WDR70: variants seen among roughly 807,000 people sequenced by gnomAD.
WDR70 encodes the protein WD repeat-containing protein 70.
In WDR70, 53 loss-of-function variants were observed where a neutral mutation model predicts 88.6. The observed-to-expected ratio is 0.60, with a 90% confidence interval of 0.48 to 0.75. The LOEUF is 0.75. Among genes scored for constraint, WDR70 ranks in the 30% least tolerant of loss-of-function variants. WDR70 has a pLI of 0.00. For missense variants in WDR70, 610 were observed against 823.2 expected (o/e 0.74, Z 3.17); for synonymous variants, 280 against 270.0 (o/e 1.04, Z -0.36).
At chr5:37,574,615 G>A (rs935809526) in intron 9 of WDR70, among the ~76,000 whole-genome samples, 5 of 152,022 alleles carry the variant, frequency 3.3e-5, no homozygotes, top group Admixed American at 1.3e-4. Flanking sequence ...TGCCCACTCC[G>A]CTGACCTCCA....
At chr5:37,461,536 T>G (rs892377391) in intron 7 of WDR70, among the ~76,000 whole-genome samples, 2 of 151,848 alleles carry the variant, frequency 1.3e-5, no homozygotes, top group Non-Finnish European at 2.9e-5. Flanking sequence ...CAGGCTGGAG[T>G]GCAGTGGCGC....
chr5:37,698,220 A>C (rs990939089), intron 11 of WDR70, among the ~76,000 whole-genome samples: 25 of 152,182 alleles, frequency 1.6e-4, no homozygotes, highest in South Asian at 1.2e-3. Context: ...GATTTTTAAA[A>C]ACAGTTCTAT....
At chr5:37,379,944 T>A (rs1748373399) in intron 2 of WDR70, among the ~76,000 whole-genome samples, 1 of 152,224 alleles carries the variant, frequency 6.6e-6, no homozygotes, top group African/African-American at 2.4e-5. Flanking sequence ...ATTGGGTATG[T>A]GCCTTTTAAA....
intron 10 of WDR70, among the ~76,000 whole-genome samples, chr5:37,696,704 T>A (rs910334397): frequency 1.9e-4 from 29 of 152,174 alleles, no homozygotes; most frequent in African/African-American, 6.8e-4. Flanking sequence ...TTATAGAGGT[T>A]ACTCTATTAA....
chr5:37,570,481 C>G (rs1251889062), intron 9 of WDR70, among the ~76,000 whole-genome samples: 1 of 151,920 alleles, frequency 6.6e-6, no homozygotes, highest in Non-Finnish European at 1.5e-5. Flanking sequence ...TAATTGAAAT[C>G]AGGGGAAGGG....
intron 8 of WDR70, among the ~76,000 whole-genome samples, chr5:37,500,716 C>CTTTT (rs550821207): frequency 0.25 from 15,923 of 62,980 alleles, 5,360 homozygotes; most frequent in Non-Finnish European, 0.37. Flanking sequence ...TATTTGTTGG[C>CTTTT]TTTTTTTTTT....
At chr5:37,713,361 A>C (rs996842419) in intron 13 of WDR70, among the ~76,000 whole-genome samples, 4 of 152,236 alleles carry the variant, frequency 2.6e-5, no homozygotes, top group African/African-American at 9.6e-5. Flanking sequence ...CAGCATTTGC[A>C]AATGAAGATT....
chr5:37,684,566 GCT>G (rs1746525528), intron 10 of WDR70, among the ~76,000 whole-genome samples: 1 of 152,188 alleles, frequency 6.6e-6, no homozygotes, highest in African/African-American at 2.4e-5. Context: ...GGGGGCTAAG[GCT>G]CCGCTCCCAC....
At chr5:37,645,540 C>G (rs1745209271) in intron 10 of WDR70, among the ~76,000 whole-genome samples, 1 of 152,072 alleles carries the variant, frequency 6.6e-6, no homozygotes, top group Non-Finnish European at 1.5e-5. Flanking sequence ...GAAAATCTGT[C>G]TGGAAGATCT....
chr5:37,635,552 T>A (rs1285789350), intron 10 of WDR70, among the ~76,000 whole-genome samples: 3 of 152,130 alleles, frequency 2.0e-5, no homozygotes, highest in Non-Finnish European at 4.4e-5. Context: ...AAAAGAAAAT[T>A]CCCAGTGAAT....
intron 10 of WDR70, among the ~76,000 whole-genome samples, chr5:37,606,888 C>T (rs1349018208): frequency 7.4e-5 from 2 of 27,166 alleles, no homozygotes; most frequent in East Asian, 2.1e-3. Flanking sequence ...TTGCTCCCCC[C>T]TCCCCTCCCC....
At chr5:37,686,107 C>CAGCT (rs1344643684) in intron 10 of WDR70, among the ~76,000 whole-genome samples, 1 of 151,842 alleles carries the variant, frequency 6.6e-6, no homozygotes, top group Non-Finnish European at 1.5e-5. Context: ...AGTTCATGAC[C>CAGCT]AGCTGGGCGA....
intron 7 of WDR70, among the ~76,000 whole-genome samples, chr5:37,460,730 A>T (rs530645903): frequency 1.2e-3 from 171 of 146,618 alleles, no homozygotes; most frequent in African/African-American, 3.9e-3. Flanking sequence ...AAATAAAAAC[A>T]AAAAGAAAAC....
intron 5 of WDR70, among the ~76,000 whole-genome samples, chr5:37,431,967 T>C (rs537589996): frequency 5.9e-4 from 90 of 152,368 alleles, no homozygotes; most frequent in African/African-American, 2.1e-3. Flanking sequence ...CAGTGGATAC[T>C]TGGGTTGCTT....
At chr5:37,722,573 T>G in intron 14 of WDR70, 1 of 347,854 alleles carries the variant, frequency 2.9e-6, no homozygotes, top group Non-Finnish European at 5.3e-6. Context: ...ATCTTAAAAT[T>G]TCACATTATT....
intron 9 of WDR70, among the ~76,000 whole-genome samples, chr5:37,576,431 A>G (rs1438013444): frequency 6.6e-6 from 1 of 151,986 alleles, no homozygotes. Context: ...TGTCCATTGT[A>G]TGTAATTTGG....
In WDR70 at chr5:37,753,435, A is replaced by G. The variant is rs1748866200; in HGVS notation, c.*862A>G. ...AAGACATTAAAAATTATTCTAAAAAATCATTGTGCTTTAGTGACTAAAAAA... is the reference window on the plus strand; with the variant it reads ...AAGACATTAAAAATTATTCTAAAAAGTCATTGTGCTTTAGTGACTAAAAAA... On this transcript the variant is annotated 3_prime_UTR_variant, in exon 18 of 18. Coordinates refer to ENST00000265107, the MANE Select transcript of WDR70 (RefSeq NM_018034.4). 1.3e-5 allele frequency: 2 copies of G among 152,204 alleles called. No individual in the cohort carries two copies. Among genetic ancestry groups the G allele is most frequent in the African/African-American group, 4.8e-5 (2 of 41,454 alleles). The allele number at this position is 152,204 out of a possible 1,614,324, so 9.4% of individuals were successfully genotyped here.
chr5:37,678,953 A>C (rs1449846491), intron 10 of WDR70, among the ~76,000 whole-genome samples: 10 of 151,866 alleles, frequency 6.6e-5, no homozygotes, highest in African/African-American at 2.2e-4. Flanking sequence ...TTTTCTCTAA[A>C]CTTCCCTTCT....
intron 9 of WDR70, among the ~76,000 whole-genome samples, chr5:37,567,502 GT>G (rs935671809): frequency 6.6e-6 from 1 of 152,116 alleles, no homozygotes; most frequent in Non-Finnish European, 1.5e-5. Flanking sequence ...CTGGTTTTGA[GT>G]TTTTTGTTCT....
Sources: gnomAD v4.1 joint callset for allele counts (sites outside exome capture counted in the v4.1 genomes callset) on GRCh38, gnomAD v4.1.1 for gene constraint, MANE v1.5 for transcripts, NCBI Gene and HGNC (gene_info 2026-07-23, HGNC 2026-07-21) for gene names.